The following LRP1B variants were observed in gnomAD, a reference collection of about 807,000 sequenced individuals.
The protein encoded by LRP1B is LDL receptor related protein 1B.
Under a neutral mutation model 556.6 loss-of-function variants are expected in LRP1B, and 217 were observed. The ratio of observed to expected loss-of-function variants is 0.39; its 90% CI spans 0.35 to 0.44. The LOEUF (loss-of-function observed/expected upper bound fraction) is 0.44, where lower values mean the gene tolerates loss of function less well. LRP1B is among the 20% of genes least tolerant of loss of function. The pLI is 1.00. For synonymous variants in LRP1B, 2,047 were observed against 1,865.8 expected, an observed-to-expected ratio of 1.10 and a Z score of -2.50; for missense variants, 5,053 against 5,620.8, an observed-to-expected ratio of 0.90 and a Z score of 3.23.
intron 11 of LRP1B, among the ~76,000 whole-genome samples, chr2:141,021,664 T>C (rs1031746533): frequency 6.6e-6 from 1 of 152,052 alleles, no homozygotes; most frequent in Non-Finnish European, 1.5e-5. Flanking sequence ...GTCTTCATGC[T>C]GGATAACCCT....
intron 3 of LRP1B, among the ~76,000 whole-genome samples, chr2:141,286,139 C>T (rs951383639): frequency 6.7e-6 from 1 of 149,836 alleles, no homozygotes; most frequent in East Asian, 2.0e-4. Flanking sequence ...AAAGAAAATT[C>T]TATTCTTGGA....
chr2:141,616,172 C>A (rs1354974255), intron 2 of LRP1B, among the ~76,000 whole-genome samples: 4 of 151,894 alleles, frequency 2.6e-5, no homozygotes, highest in African/African-American at 9.7e-5. Flanking sequence ...GTCCTAGCTA[C>A]TGGGGAGGCT....
chr2:140,427,655 A>G (rs1685719443), intron 66 of LRP1B, among the ~76,000 whole-genome samples: 1 of 152,094 alleles, frequency 6.6e-6, no homozygotes, highest in Non-Finnish European at 1.5e-5. Context: ...TCTTTTACAC[A>G]TCGGTCCATC....
intron 1 of LRP1B, among the ~76,000 whole-genome samples, chr2:141,902,166 A>G (rs1470928638): frequency 1.3e-5 from 2 of 151,510 alleles, no homozygotes; most frequent in African/African-American, 4.8e-5. Context: ...TACAGGGAAT[A>G]TACATATTAA....
chr2:140,407,286 G>T (rs1344118937), intron 66 of LRP1B, among the ~76,000 whole-genome samples: 1 of 151,996 alleles, frequency 6.6e-6, no homozygotes, highest in Non-Finnish European at 1.5e-5. Context: ...CCTAGGCAAA[G>T]AATTTATGAC....
rs542191931 is a variant in LRP1B at position 140,300,496 on chromosome 2, C to T, written c.12806-2527G>A. On this transcript the variant is annotated intron_variant, in intron 83 of 90. Coordinates refer to ENST00000389484, the MANE Select transcript of LRP1B (RefSeq NM_018557.3). The stretch of plus-strand genomic sequence containing the variant: ...TGATTAAGGTATAGATTTATAGCAG[C>T]GATGCATCCAGGGAGCTGGGGAGTT... 6.0e-4 allele frequency among the ~76,000 whole-genome samples: 91 copies of T among 152,154 alleles called. 2 individuals carry two copies. The highest frequency in any genetic ancestry group is 2.1e-3 in the African/African-American group (89 of 41,526).
intron 2 of LRP1B, among the ~76,000 whole-genome samples, chr2:141,552,737 G>A (rs1354076391): frequency 6.6e-6 from 1 of 151,900 alleles, no homozygotes; most frequent in Non-Finnish European, 1.5e-5. Context: ...GTGGGATTAT[G>A]AAGAAAATGT....
Position 140,903,156 on chromosome 2 carries a change from G to A in LRP1B, c.3530C>T (p.Ser1177Leu), listed in dbSNP as rs377518986. The A allele has an allele frequency of 7.4e-6, 12 of 1,612,774 alleles. No individual in the cohort carries two copies. The highest frequency in any genetic ancestry group is 5.0e-5 in the Admixed American group (3 of 59,858). ...GTTGCTACAGCCTCCATTGTTCAGC[G>A]AACACTCATCTATAAAAAGGGGGGA... ...SDEGYLCDEC[S>L]LNNGGCSNHC... Residue 1177 changes from serine (S) to leucine (L), a missense_variant, in exon 23 of 91, where the codon TCG becomes TTG. This residue lies in a region of LRP1B where 3,619 missense variants were observed against 3,931.9 expected (regional missense o/e 0.92). Coordinates refer to ENST00000389484, the MANE Select transcript of LRP1B (RefSeq NM_018557.3).
At chr2:141,722,256 T>C (rs1326070758) in intron 2 of LRP1B, among the ~76,000 whole-genome samples, 1 of 152,068 alleles carries the variant, frequency 6.6e-6, no homozygotes, top group African/African-American at 2.4e-5. Context: ...TGGGCACCTG[T>C]AATCACGGCT....
rs966501169 is a variant in LRP1B, at chr2:140,982,180, G to T, written c.2867C>A (p.Thr956Lys). The T allele has an allele frequency of 6.2e-7, 1 of 1,613,030 alleles. No individual in the cohort carries two copies. The highest frequency in any genetic ancestry group is 8.5e-7 in the Non-Finnish European group (1 of 1,179,338). Residue 956 changes from threonine (T) to lysine (K), a missense_variant, in exon 18 of 91, where the codon ACA becomes AAA. Coordinates refer to ENST00000389484, the MANE Select transcript of LRP1B (RefSeq NM_018557.3). ...CTTACCACAAGATGCCATTTCATCT[G>T]TCTGGTCACCACAGTCGTCTTCCCT... ...CDREDDCGDQ[T>K]DEMASCEFPT...
intron 1 of LRP1B, among the ~76,000 whole-genome samples, chr2:141,821,691 G>A (rs1168005791): frequency 6.6e-6 from 1 of 152,032 alleles, no homozygotes; most frequent in African/African-American, 2.4e-5. Context: ...AAAATTATAA[G>A]TAATAGTATA....
intron 1 of LRP1B, among the ~76,000 whole-genome samples, chr2:142,059,966 C>T (rs1053656636): frequency 6.6e-6 from 1 of 151,886 alleles, no homozygotes; most frequent in Non-Finnish European, 1.5e-5. Flanking sequence ...AATGTATTAA[C>T]CTTTTTATAT....
chr2:141,436,919 T>G (rs1020208551), intron 3 of LRP1B, among the ~76,000 whole-genome samples: 2 of 152,182 alleles, frequency 1.3e-5, no homozygotes, highest in African/African-American at 4.8e-5. Flanking sequence ...AAGCACCTTT[T>G]GGATGAGAAT....
intron 3 of LRP1B, among the ~76,000 whole-genome samples, chr2:141,432,699 G>A (rs1231639331): frequency 6.6e-6 from 1 of 151,908 alleles, no homozygotes; most frequent in East Asian, 1.9e-4. Flanking sequence ...GCATATAGTT[G>A]TTCATGATGG....
intron 7 of LRP1B, among the ~76,000 whole-genome samples, chr2:141,154,678 T>G (rs1480144040): frequency 6.6e-6 from 1 of 151,884 alleles, no homozygotes; most frequent in African/African-American, 2.4e-5. Context: ...ACAATAAAGT[T>G]CAACACTCCA....
intron 11 of LRP1B, among the ~76,000 whole-genome samples, chr2:141,022,292 T>A (rs1378116579): frequency 6.6e-6 from 1 of 151,410 alleles, no homozygotes; most frequent in Non-Finnish European, 1.5e-5. Flanking sequence ...GTGCTTTGAT[T>A]TTTTTTTCTG....
intron 35 of LRP1B, among the ~76,000 whole-genome samples, chr2:140,758,170 A>G (rs1289833198): frequency 1.3e-5 from 2 of 152,110 alleles, no homozygotes; most frequent in African/African-American, 2.4e-5. Context: ...CAAATATCCA[A>G]AAGTATTGGA....
intron 57 of LRP1B, among the ~76,000 whole-genome samples, chr2:140,489,454 G>A (rs1688608669): frequency 6.6e-6 from 1 of 152,078 alleles, no homozygotes; most frequent in South Asian, 2.1e-4. Flanking sequence ...CTGATATTCA[G>A]TCACAGATTC....
At position 140,476,860 on chromosome 2, in the gene LRP1B, A is replaced by G. The variant is rs1687996155; in HGVS notation, c.9426-1523T>C. On this transcript the variant is annotated intron_variant, in intron 59 of 90. Transcript: ENST00000389484. ...CACTAAGTCAATTTCACATAGGGCA[A>G]TACCGGAATTCCTCCCTAGTGTTTT... Among the ~76,000 whole-genome samples, 3 of 152,198 alleles carry G rather than the reference A, an allele frequency of 2.0e-5. No homozygotes were observed. The South Asian group carries it at 6.2e-4, about 31-fold the overall frequency.
Sources: allele counts gnomAD v4.1 joint callset (sites outside exome capture counted in the v4.1 genomes callset), GRCh38; gene constraint gnomAD v4.1.1; regional missense constraint gnomAD v4.1.1; transcripts MANE v1.5; gene names NCBI Gene and HGNC (gene_info 2026-07-23, HGNC 2026-07-21).